The following TPST2 variants were observed in gnomAD, a reference collection of about 807,000 sequenced individuals.
TPST2 encodes the protein protein-tyrosine sulfotransferase 2.
In TPST2, 16 loss-of-function variants were observed where a neutral mutation model predicts 27.8. The ratio of observed to expected loss-of-function variants is 0.58; its 90% CI spans 0.39 to 0.88. The LOEUF is 0.88. Among genes scored for constraint, TPST2 ranks in the 40% least tolerant of loss-of-function variants. The probability of loss-of-function intolerance (pLI) is 0.00; values close to 1 mark genes in which losing one functional copy is unlikely to be tolerated. For missense variants in TPST2, 464 were observed against 543.1 expected (o/e 0.85, Z 1.45); for synonymous variants, 229 against 231.7 (o/e 0.99, Z 0.10).
At chr22:26,572,632 C>T (rs909041368) in intron 1 of TPST2, among the ~76,000 whole-genome samples, 3 of 152,094 alleles carry the variant, frequency 2.0e-5, no homozygotes, top group African/African-American at 7.2e-5. Context: ...AATACCCCGA[C>T]TAGATTAAGC....
In TPST2 at chr22:26,526,093, G is replaced by A. The variant is rs537334427; in HGVS notation, c.*182C>T. On this transcript the variant is annotated 3_prime_UTR_variant, in exon 7 of 7. Transcript: ENST00000338754. ...CTCTACCCTGGAGTGTCCAGAGATA[G>A]AGAGTTTCAAGGTACGTTTTCAATG... The A allele has an allele frequency of 6.6e-6, 1 of 152,112 alleles. No homozygotes were observed. The highest frequency in any genetic ancestry group is 1.5e-5 in the Non-Finnish European group (1 of 67,936). 9.4% of individuals were successfully genotyped at this position (152,112 alleles called of 1,614,324 possible).
In TPST2 at chr22:26,522,753, G is replaced by A. The variant is rs989281493; in HGVS notation, c.*3522C>T. ...CTCTAGAACAGGCAGCTGGTAAAAGGAGTGGTGTTAGATCAGCACATGTTC... is the reference window on the plus strand; with the variant it reads ...CTCTAGAACAGGCAGCTGGTAAAAGAAGTGGTGTTAGATCAGCACATGTTC... On this transcript the variant is annotated 3_prime_UTR_variant, in exon 7 of 7. Coordinates refer to ENST00000338754, the MANE Select transcript of TPST2 (RefSeq NM_003595.5). The A allele has an allele frequency of 6.6e-6, 1 of 152,276 alleles. No homozygotes were observed. 9.4% of individuals were successfully genotyped at this position (152,276 alleles called of 1,614,324 possible).
intron 2 of TPST2, among the ~76,000 whole-genome samples, chr22:26,544,043 G>A (rs755515897): frequency 6.6e-6 from 1 of 152,210 alleles, no homozygotes; most frequent in Non-Finnish European, 1.5e-5. Flanking sequence ...AGGATGATAG[G>A]TGAGGGCTTC....
chr22:26,586,847 C>T (rs967084311), intron 1 of TPST2, among the ~76,000 whole-genome samples: 3 of 152,188 alleles, frequency 2.0e-5, no homozygotes, highest in Admixed American at 6.5e-5. Context: ...TGAGTTCTTC[C>T]GGTGCAGCCT....
rs375923529 is a variant in TPST2, at chr22:26,570,472, G to A, written c.-161+19581C>T. 1.3e-4 allele frequency among the ~76,000 whole-genome samples: 20 copies of A among 152,188 alleles called. No individual in the cohort carries two copies. The East Asian group carries it at 1.9e-3, about 15-fold the overall frequency. ...TCTTTCTCTACAGCCCCATGAAAAC[G>A]TTTACAGGGTTTTTCCTTATGCGGG... On this transcript the variant is annotated intron_variant, in intron 1 of 6. Coordinates refer to ENST00000338754, the MANE Select transcript of TPST2 (RefSeq NM_003595.5).
At chr22:26,587,488 GCAC>G (rs1928388076) in intron 1 of TPST2, among the ~76,000 whole-genome samples, 1 of 152,032 alleles carries the variant, frequency 6.6e-6, no homozygotes. Flanking sequence ...TTACAGGCAC[GCAC>G]CACCACACCT....
chr22:26,527,016 T>C (rs924295932), intron 6 of TPST2, among the ~76,000 whole-genome samples: 7 of 152,172 alleles, frequency 4.6e-5, no homozygotes, highest in South Asian at 2.1e-4. Context: ...AAGGTGGAGA[T>C]TGCTGTGAGC....
At chr22:26,555,282 C>A (rs753744163) in intron 1 of TPST2, 17 of 525,010 alleles carry the variant, frequency 3.2e-5, no homozygotes, top group Admixed American at 3.1e-4. Context: ...ATACCAAAGA[C>A]CGCAATTACT....
intron 4 of TPST2, among the ~76,000 whole-genome samples, chr22:26,533,921 T>A (rs1471398021): frequency 6.6e-6 from 1 of 152,210 alleles, no homozygotes; most frequent in Non-Finnish European, 1.5e-5. Context: ...GCAGTCTGCC[T>A]GCCTTGGCCT....
intron 1 of TPST2, among the ~76,000 whole-genome samples, chr22:26,574,182 C>T (rs1927739994): frequency 1.3e-5 from 2 of 152,216 alleles, no homozygotes; most frequent in South Asian, 4.1e-4. Context: ...AGTCCCTTAA[C>T]TTCTCTGAGC....
In TPST2 at chr22:26,541,558, C is replaced by T. The variant is rs748439661; in HGVS notation, c.73G>A (p.Gly25Arg). 6.2e-7 allele frequency: 1 copy of T among 1,609,928 alleles called. No homozygotes were observed. Among genetic ancestry groups the T allele is most frequent in the Non-Finnish European group, 8.5e-7 (1 of 1,178,926 alleles). The change falls in exon 3 of 7, where the codon GGA becomes AGA. Residue 25 changes from glycine (G) to arginine (R), a missense_variant. Transcript: ENST00000338754. The surrounding 1 kb of genome is among the most constrained non-coding windows in gnomAD (Gnocchi z 5.9). ...GCCCGGCACTCTAGCACCTGCTGTC[C>T]CAGCTGAACCGCCAGCACCAGGACC... ...ALVLVLAVQL[G>R]QQVLECRAVL...
chr22:26,578,548 C>T (rs926545348), intron 1 of TPST2, among the ~76,000 whole-genome samples: 1 of 152,090 alleles, frequency 6.6e-6, no homozygotes, highest in African/African-American at 2.4e-5. Flanking sequence ...GCCTGGGGAC[C>T]CCAAGGTCCT....
chr22:26,564,419 G>A (rs1322301741), intron 1 of TPST2, among the ~76,000 whole-genome samples: 9 of 152,212 alleles, frequency 5.9e-5, no homozygotes, highest in African/African-American at 2.2e-4. Context: ...CAGGACGGAG[G>A]ACCAGGCTGG....
At chr22:26,584,337 C>G (rs969080370) in intron 1 of TPST2, among the ~76,000 whole-genome samples, 1 of 152,070 alleles carries the variant, frequency 6.6e-6, no homozygotes, top group Non-Finnish European at 1.5e-5. Context: ...CTTTACAGGC[C>G]AAGAGCCCTG....
chr22:26,532,305 G>C (rs1602251742), intron 5 of TPST2, among the ~76,000 whole-genome samples: 1 of 152,136 alleles, frequency 6.6e-6, no homozygotes, highest in Non-Finnish European at 1.5e-5. Flanking sequence ...TTTTGAGATG[G>C]AGTCTCGCTC....
intron 1 of TPST2, among the ~76,000 whole-genome samples, chr22:26,558,314 T>C (rs767627267): frequency 1.4e-4 from 21 of 151,900 alleles, no homozygotes; most frequent in Non-Finnish European, 2.5e-4. Flanking sequence ...AATTTTTTTG[T>C]ATTTTTAGTA....
chr22:26,576,832 C>T (rs187169054), intron 1 of TPST2, among the ~76,000 whole-genome samples: 239 of 151,024 alleles, frequency 1.6e-3, no homozygotes, highest in African/African-American at 5.7e-3. Context: ...CGCGGTGGCT[C>T]ACACCTGTAA....
At chr22:26,573,888 G>A (rs1313155297) in intron 1 of TPST2, among the ~76,000 whole-genome samples, 2 of 152,180 alleles carry the variant, frequency 1.3e-5, no homozygotes, top group African/African-American at 2.4e-5. Flanking sequence ...GACAGACTGT[G>A]ATATCTTCTT....
chr22:26,539,085 T>C (rs1261290492), intron 3 of TPST2, among the ~76,000 whole-genome samples: 1 of 152,224 alleles, frequency 6.6e-6, no homozygotes, highest in African/African-American at 2.4e-5. Flanking sequence ...CTAATATTTT[T>C]GTCATAATAA....
Sources: gnomAD v4.1 joint callset for allele counts (sites outside exome capture counted in the v4.1 genomes callset) on GRCh38, gnomAD v4.1.1 for gene constraint, Gnocchi (gnomAD v3.1) non-coding constraint, MANE v1.5 for transcripts, NCBI Gene and HGNC (gene_info 2026-07-23, HGNC 2026-07-21) for gene names.